Variants in CTNND2 observed in about 807,000 individuals in gnomAD.
The protein encoded by CTNND2 is catenin delta 2.
CTNND2 carries 22 observed loss-of-function variants against 144.4 expected under a neutral mutation model. The ratio of observed to expected loss-of-function variants is 0.15; its 90% CI spans 0.11 to 0.22. The LOEUF (loss-of-function observed/expected upper bound fraction) is 0.22. Among genes scored for constraint, CTNND2 ranks in the 10% least tolerant of loss-of-function variants. The pLI is 1.00. For synonymous variants in CTNND2, 751 were observed against 695.6 expected (o/e 1.08, Z -1.25); for missense variants, 1,353 against 1,618.8 (o/e 0.84, Z 2.82).
intron 9 of CTNND2, among the ~76,000 whole-genome samples, chr5:11,340,104 C>T (rs1029735305): frequency 6.6e-6 from 1 of 152,190 alleles, no homozygotes; most frequent in African/African-American, 2.4e-5. Flanking sequence ...CTACCCTCCT[C>T]CATTTCCAGA....
chr5:11,106,084 T>C (rs61755675), intron 14 of CTNND2, among the ~76,000 whole-genome samples: 134 of 152,306 alleles, frequency 8.8e-4, no homozygotes, highest in Admixed American at 1.3e-3. Flanking sequence ...CATGAAGTGA[T>C]AATAAAAAAT....
chr5:11,874,821 G>A (rs1000249505), intron 1 of CTNND2, among the ~76,000 whole-genome samples: 3 of 152,138 alleles, frequency 2.0e-5, no homozygotes, highest in Non-Finnish European at 2.9e-5. Context: ...TTTAACTCAC[G>A]AAATTGATAC....
chr5:11,880,501 G>GTAC (rs10648206), intron 1 of CTNND2, among the ~76,000 whole-genome samples: 93,278 of 125,526 alleles, frequency 0.74, 31,322 homozygotes, highest in East Asian at 0.81. Context: ...ACTGCTACTA[G>GTAC]TACTACTACT....
chr5:11,794,941 C>A (rs1791322325), intron 1 of CTNND2, among the ~76,000 whole-genome samples: 1 of 152,114 alleles, frequency 6.6e-6, no homozygotes, highest in Admixed American at 6.5e-5. Flanking sequence ...AATAAATGTA[C>A]AATTATTATT....
chr5:10,995,282 C>T (rs559221018), intron 18 of CTNND2, among the ~76,000 whole-genome samples: 1 of 152,238 alleles, frequency 6.6e-6, no homozygotes, highest in Non-Finnish European at 1.5e-5. Flanking sequence ...GGGGAAGCTT[C>T]AAAGGAGACC....
At chr5:11,816,054 T>A (rs1792623154) in intron 1 of CTNND2, among the ~76,000 whole-genome samples, 1 of 152,120 alleles carries the variant, frequency 6.6e-6, no homozygotes, top group African/African-American at 2.4e-5. Flanking sequence ...AGAACACAGT[T>A]GGAGCGTGCC....
intron 1 of CTNND2, among the ~76,000 whole-genome samples, chr5:11,820,059 G>A (rs573977314): frequency 2.6e-5 from 4 of 152,206 alleles, no homozygotes; most frequent in East Asian, 1.9e-4. Context: ...TGCTTCCCCC[G>A]TGTTTGTCTC....
chr5:11,855,819 A>G lies in CTNND2; in HGVS notation c.37+47998T>C, dbSNP rs73048732. On this transcript the variant is annotated intron_variant, in intron 1 of 21. Coordinates refer to ENST00000304623, the MANE Select transcript of CTNND2 (RefSeq NM_001332.4). ...AGAAACTCTGGGCCCCAGACCTAGAATTTTAACAAGCTTTCTAGATGATGG... is the reference window on the plus strand; with the variant it reads ...AGAAACTCTGGGCCCCAGACCTAGAGTTTTAACAAGCTTTCTAGATGATGG... Among the ~76,000 whole-genome samples the G allele has an allele frequency of 2.2e-3, 342 of 152,286 alleles. 2 individuals are homozygous for G. Among genetic ancestry groups the G allele is most frequent in the African/African-American group, 7.4e-3 (309 of 41,550 alleles).
chr5:11,022,674 G>A, intron 17 of CTNND2, 95 bp downstream of exon 17: 1 of 890,712 alleles, frequency 1.1e-6, no homozygotes, highest in Non-Finnish European at 1.8e-6. Context: ...ATGCTTTCCA[G>A]TGACAGTCAT....
chr5:11,000,449 A>C (rs921550440), intron 18 of CTNND2, among the ~76,000 whole-genome samples: 5 of 152,166 alleles, frequency 3.3e-5, no homozygotes, highest in Non-Finnish European at 7.4e-5. Flanking sequence ...TGAAACCGTA[A>C]GGCAGAGGTT....
intron 3 of CTNND2, among the ~76,000 whole-genome samples, chr5:11,530,929 A>T (rs540696159): frequency 2.8e-4 from 42 of 150,466 alleles, no homozygotes; most frequent in African/African-American, 1.1e-3. Flanking sequence ...GCACACAAAA[A>T]GCAGCACTCT....
intron 9 of CTNND2, among the ~76,000 whole-genome samples, chr5:11,297,508 T>A (rs541910743): frequency 1.3e-5 from 2 of 152,330 alleles, no homozygotes; most frequent in African/African-American, 4.8e-5. Context: ...TTGGAAAACA[T>A]AGTCATTTTA....
intron 3 of CTNND2, among the ~76,000 whole-genome samples, chr5:11,528,484 A>G (rs908662235): frequency 2.6e-5 from 4 of 152,222 alleles, no homozygotes; most frequent in African/African-American, 9.6e-5. Flanking sequence ...AGTTATCAAA[A>G]GTCAAAGTAA....
intron 3 of CTNND2, among the ~76,000 whole-genome samples, chr5:11,428,878 T>G (rs1385686773): frequency 6.6e-6 from 1 of 152,260 alleles, no homozygotes; most frequent in Non-Finnish European, 1.5e-5. Flanking sequence ...AATCAGTTCC[T>G]GAGCTACAGT....
In CTNND2 at chr5:11,590,574, G is replaced by A. The variant is rs146194391; in HGVS notation, c.175-25518C>T. Reference sequence around the variant, plus strand: ...CCGTCCTTGTGAATGTACTTTGTACGATACATCCTCCCCGCCCTTGTGAAT... The same window carrying A: ...CCGTCCTTGTGAATGTACTTTGTACAATACATCCTCCCCGCCCTTGTGAAT... On this transcript the variant is annotated intron_variant, in intron 2 of 21. Transcript: ENST00000304623. Among the ~76,000 whole-genome samples the A allele has an allele frequency of 1.4e-4, 21 of 151,762 alleles. No individual in the cohort carries two copies. The East Asian group carries it at 3.7e-3, about 27-fold the overall frequency.
At chr5:11,538,597 G>A (rs1042771853) in intron 3 of CTNND2, among the ~76,000 whole-genome samples, 1 of 152,106 alleles carries the variant, frequency 6.6e-6, no homozygotes, top group Admixed American at 6.6e-5. Context: ...CAGAAACCCA[G>A]TAACATGGCA....
At position 11,727,358 on chromosome 5, in the gene CTNND2, T is replaced by C. The variant is rs187400768; in HGVS notation, c.174+4778A>G. 1.3e-5 allele frequency among the ~76,000 whole-genome samples: 2 copies of C among 152,314 alleles called. 1 individual carries two copies. Among genetic ancestry groups the C allele is most frequent in the Admixed American group, 1.3e-4 (2 of 15,296 alleles). On this transcript the variant is annotated intron_variant, in intron 2 of 21. Coordinates refer to ENST00000304623, the MANE Select transcript of CTNND2 (RefSeq NM_001332.4). ...GTATGAAACTCACAAGGCTTTCTGA[T>C]CCTTGCTCCCCCTTCCTTGTTATAA...
At chr5:11,568,529 G>C (rs1357620776) in intron 2 of CTNND2, among the ~76,000 whole-genome samples, 1 of 152,158 alleles carries the variant, frequency 6.6e-6, no homozygotes, top group African/African-American at 2.4e-5. Context: ...CTTGTGAATG[G>C]AAACAAGAAG....
In CTNND2 at chr5:11,753,628, T is replaced by C. The variant is rs115029462; in HGVS notation, c.38-21356A>G. ...GTTCATCAAGGATATTGGCCCAAAG[T>C]TTTCTTTTTTTGTTGTGTCTCTACC... On this transcript the variant is annotated intron_variant, in intron 1 of 21. Coordinates refer to ENST00000304623, the MANE Select transcript of CTNND2 (RefSeq NM_001332.4). Among the ~76,000 whole-genome samples, 766 of 151,920 alleles carry C rather than the reference T, an allele frequency of 5.0e-3. 3 individuals are homozygous for C. The highest frequency in any genetic ancestry group is 8.4e-3 in the Non-Finnish European group (570 of 67,830).
Sources: gnomAD v4.1 joint callset for allele counts (sites outside exome capture counted in the v4.1 genomes callset) on GRCh38, gnomAD v4.1.1 for gene constraint, MANE v1.5 for transcripts, NCBI Gene and HGNC (gene_info 2026-07-23, HGNC 2026-07-21) for gene names.